AGBL1: variants seen among roughly 807,000 people sequenced by gnomAD.
AGBL1 encodes AGBL carboxypeptidase 1.
In AGBL1, 130 loss-of-function variants were observed where a neutral mutation model predicts 118.9. That is an observed-to-expected ratio of 1.09 (90% CI 0.95 to 1.26). AGBL1 has a LOEUF of 1.26. AGBL1 is among the 50% of genes most tolerant of loss of function. The pLI is 0.00. For synonymous variants in AGBL1, 555 were observed against 478.9 expected, an observed-to-expected ratio of 1.16 and a Z score of -2.08; for missense variants, 1,584 against 1,298.1, an observed-to-expected ratio of 1.22 and a Z score of -3.38.
chr15:86,927,029 C>G (rs988807961), intron 23 of AGBL1, among the ~76,000 whole-genome samples: 2 of 151,896 alleles, frequency 1.3e-5, no homozygotes, highest in African/African-American at 4.8e-5. Flanking sequence ...ATCCTAGCTG[C>G]TCAGGAGGCT....
At chr15:86,582,681 A>T (rs1463265303) in intron 21 of AGBL1, among the ~76,000 whole-genome samples, 1 of 152,212 alleles carries the variant, frequency 6.6e-6, no homozygotes, top group Non-Finnish European at 1.5e-5. Flanking sequence ...CTATGCAGCC[A>T]TGAAAAAGGA....
intron 7 of AGBL1, among the ~76,000 whole-genome samples, chr15:86,252,909 C>T (rs1162550857): frequency 6.6e-6 from 1 of 152,162 alleles, no homozygotes; most frequent in East Asian, 1.9e-4. Flanking sequence ...AGAATTTCTC[C>T]TCTATGTTCA....
intron 1 of AGBL1, chr15:86,109,994 C>G (rs1897266464): frequency 6.6e-6 from 1 of 152,252 alleles, no homozygotes; most frequent in African/African-American, 2.4e-5. Context: ...GCCACCCGAA[C>G]AGGAATCTTA....
chr15:86,538,503 T>C (rs1037686473), intron 19 of AGBL1, among the ~76,000 whole-genome samples: 3 of 152,168 alleles, frequency 2.0e-5, no homozygotes, highest in Non-Finnish European at 4.4e-5. Context: ...CTCAAAGAGA[T>C]GTTAACTCCA....
intron 1 of AGBL1, among the ~76,000 whole-genome samples, chr15:86,130,499 A>G (rs1346866040): frequency 3.9e-5 from 6 of 152,136 alleles, no homozygotes; most frequent in Non-Finnish European, 7.4e-5. Context: ...TGGCTTCTCT[A>G]AAATCATTAT....
chr15:86,234,422 G>T (rs2078504435), intron 6 of AGBL1, among the ~76,000 whole-genome samples: 1 of 152,042 alleles, frequency 6.6e-6, no homozygotes, highest in Admixed American at 6.6e-5. Flanking sequence ...GTGATGGCAT[G>T]CACTTGTAGT....
chr15:86,209,570 G>T (rs1014381791), intron 5 of AGBL1, among the ~76,000 whole-genome samples: 19 of 152,036 alleles, frequency 1.2e-4, no homozygotes, highest in African/African-American at 4.6e-4. Context: ...TTATGCAATG[G>T]CCTTCTTTGT....
At chr15:86,836,741 C>T (rs1445167196) in intron 22 of AGBL1, among the ~76,000 whole-genome samples, 1 of 152,048 alleles carries the variant, frequency 6.6e-6, no homozygotes, top group Non-Finnish European at 1.5e-5. Context: ...AGTGTTTGTT[C>T]TCTTGTTTAG....
chr15:86,682,212 A>G (rs1041915250), intron 22 of AGBL1, among the ~76,000 whole-genome samples: 3 of 152,204 alleles, frequency 2.0e-5, no homozygotes, highest in Admixed American at 2.0e-4. Flanking sequence ...GGGAATTATT[A>G]TAGATTATGA....
chr15:86,789,811 C>G (rs1217330134), intron 22 of AGBL1, among the ~76,000 whole-genome samples: 3 of 152,070 alleles, frequency 2.0e-5, no homozygotes, highest in Non-Finnish European at 4.4e-5. Flanking sequence ...GATATCTCAC[C>G]CTTGCCTGGG....
intron 4 of AGBL1, 66 bp downstream of exon 4, chr15:86,154,627 C>T: frequency 6.6e-7 from 1 of 1,525,834 alleles, no homozygotes; most frequent in Non-Finnish European, 8.8e-7. Context: ...ATGGAAACTG[C>T]ATGAGGGTCT....
At chr15:86,238,968 C>A (rs1468293239) in intron 6 of AGBL1, among the ~76,000 whole-genome samples, 1 of 151,938 alleles carries the variant, frequency 6.6e-6, no homozygotes, top group Non-Finnish European at 1.5e-5. Flanking sequence ...AGCATTGCAA[C>A]CTAAGGTCCT....
intron 22 of AGBL1, among the ~76,000 whole-genome samples, chr15:86,898,089 T>G (rs990641574): frequency 6.6e-6 from 1 of 152,256 alleles, no homozygotes; most frequent in East Asian, 1.9e-4. Context: ...AAATATTTGA[T>G]AAATAAATTA....
chr15:86,721,421 C>T (rs1249191267), intron 22 of AGBL1, among the ~76,000 whole-genome samples: 1 of 152,140 alleles, frequency 6.6e-6, no homozygotes, highest in Non-Finnish European at 1.5e-5. Flanking sequence ...TCAATAGATG[C>T]AGAAAAGGCC....
At chr15:86,233,951 C>T (rs1315052584) in intron 6 of AGBL1, among the ~76,000 whole-genome samples, 1 of 152,152 alleles carries the variant, frequency 6.6e-6, no homozygotes, top group East Asian at 1.9e-4. Flanking sequence ...CTGGGTCCAA[C>T]ACAGCTGTGG....
intron 17 of AGBL1, among the ~76,000 whole-genome samples, chr15:86,366,451 G>A (rs571079316): frequency 2.0e-5 from 3 of 152,204 alleles, no homozygotes; most frequent in African/African-American, 7.2e-5. Context: ...AGAAAACTGA[G>A]GCAAAGAGAG....
intron 21 of AGBL1, among the ~76,000 whole-genome samples, chr15:86,571,478 T>C (rs2084005358): frequency 6.6e-6 from 1 of 152,086 alleles, no homozygotes; most frequent in African/African-American, 2.4e-5. Context: ...TCCCAACAAG[T>C]GTGCAGCTCT....
intron 24 of AGBL1, among the ~76,000 whole-genome samples, chr15:87,014,759 C>T (rs1417308044): frequency 6.6e-6 from 1 of 152,074 alleles, no homozygotes; most frequent in African/African-American, 2.4e-5. Context: ...GGGGGAATAC[C>T]TGAACAAGGA....
intron 1 of AGBL1, among the ~76,000 whole-genome samples, chr15:86,134,805 G>A (rs1260698226): frequency 6.6e-6 from 1 of 151,488 alleles, no homozygotes; most frequent in Non-Finnish European, 1.5e-5. Flanking sequence ...AGGAGAGATG[G>A]GGTTTCACCA....
Sources: allele counts gnomAD v4.1 joint callset (sites outside exome capture counted in the v4.1 genomes callset), GRCh38; gene constraint gnomAD v4.1.1; transcripts MANE v1.5; gene names NCBI Gene and HGNC (gene_info 2026-07-23, HGNC 2026-07-21).